The following STXBP5L variants were observed in gnomAD, a reference collection of about 807,000 sequenced individuals.
The protein encoded by STXBP5L is syntaxin-binding protein 5-like.
A neutral mutation model predicts 144.5 loss-of-function variants in STXBP5L; 65 were observed. The ratio of observed to expected loss-of-function variants is 0.45; its 90% CI spans 0.37 to 0.55. The LOEUF is 0.55. Among genes scored for constraint, STXBP5L ranks in the 20% least tolerant of loss-of-function variants. The probability of loss-of-function intolerance (pLI) is 0.00; values close to 1 mark genes in which losing one functional copy is unlikely to be tolerated. For synonymous variants in STXBP5L, 505 were observed against 469.6 expected (o/e 1.08, Z -0.97); for missense variants, 1,298 against 1,405.5 (o/e 0.92, Z 1.22).
intron 19 of STXBP5L, among the ~76,000 whole-genome samples, chr3:121,312,446 CTTTTTTTTTTTTTT>C (rs58989280): frequency 3.1e-4 from 4 of 12,754 alleles, no homozygotes; most frequent in Non-Finnish European, 4.7e-4. Flanking sequence ...GTATGTCAAT[CTTTTTTTTTTTTTT>C]TTTTTTTTTT....
intron 12 of STXBP5L, among the ~76,000 whole-genome samples, chr3:121,238,394 A>T (rs2049552494): frequency 6.6e-6 from 1 of 152,030 alleles, no homozygotes; most frequent in South Asian, 2.1e-4. Flanking sequence ...GGGAGAACTC[A>T]TTCACCTCCA....
chr3:121,075,782 G>T (rs1268204605), intron 5 of STXBP5L, among the ~76,000 whole-genome samples: 2 of 152,144 alleles, frequency 1.3e-5, no homozygotes, highest in Non-Finnish European at 2.9e-5. Flanking sequence ...TGTAGCCCTT[G>T]AGCCTGGTTA....
chr3:121,165,129 G>A (rs1473699830), intron 9 of STXBP5L, among the ~76,000 whole-genome samples: 1 of 152,130 alleles, frequency 6.6e-6, no homozygotes, highest in Non-Finnish European at 1.5e-5. Flanking sequence ...ATAACGTCAT[G>A]TTGTATACCT....
At chr3:121,153,286 C>T (rs1411657439) in intron 8 of STXBP5L, among the ~76,000 whole-genome samples, 1 of 151,826 alleles carries the variant, frequency 6.6e-6, no homozygotes, top group Non-Finnish European at 1.5e-5. Flanking sequence ...ATAAGAAGAC[C>T]GTAAAACTGG....
intron 7 of STXBP5L, among the ~76,000 whole-genome samples, chr3:121,148,985 C>T (rs565141920): frequency 3.2e-4 from 48 of 152,140 alleles, no homozygotes; most frequent in African/African-American, 1.1e-3. Context: ...TATAATTCTA[C>T]CTGTCTAATT....
intron 20 of STXBP5L, among the ~76,000 whole-genome samples, chr3:121,324,304 C>A (rs1273427226): frequency 6.6e-6 from 1 of 152,068 alleles, no homozygotes; most frequent in Admixed American, 6.5e-5. Context: ...TTTTAGTCTC[C>A]AAAAACCTTT....
intron 19 of STXBP5L, among the ~76,000 whole-genome samples, chr3:121,313,756 C>T (rs1469701857): frequency 2.5e-3 from 335 of 133,640 alleles, no homozygotes; most frequent in Non-Finnish European, 3.6e-3. Flanking sequence ...ACCTCCCTCC[C>T]GGACGGGGTG....
intron 3 of STXBP5L, among the ~76,000 whole-genome samples, chr3:121,002,072 C>T (rs1429539947): frequency 6.6e-6 from 1 of 152,072 alleles, no homozygotes; most frequent in Non-Finnish European, 1.5e-5. Flanking sequence ...TTCATATATA[C>T]CCAGAAGAGA....
rs183213256 is a variant in STXBP5L, at chr3:121,112,288, C to G, written c.471-2637C>G. On this transcript the variant is annotated intron_variant, in intron 5 of 26. Transcript: ENST00000471454. ...CCAAGGCCCTGGTCACATAGGCTCA[C>G]AAAGGGGATCTTCTGATTTGCAGGT... is the stretch of plus-strand genomic sequence containing the variant. Among the ~76,000 whole-genome samples the G allele has an allele frequency of 1.2e-4, 19 of 152,206 alleles. No individual in the cohort carries two copies. The East Asian group carries it at 2.9e-3, about 23-fold the overall frequency.
intron 2 of STXBP5L, among the ~76,000 whole-genome samples, chr3:120,918,798 G>T (rs1394527456): frequency 6.6e-6 from 1 of 152,080 alleles, no homozygotes; most frequent in Non-Finnish European, 1.5e-5. Context: ...AATTCAGTTT[G>T]TGTAAAGTCA....
Position 121,257,166 on chromosome 3 carries a change from A to G in STXBP5L, c.1665A>G (p.Leu555=). ...TTAAACTTGATTTTTTTAAGTCATT[A>G]GAGGTACGACTTCAGTATGATGTTG... ...RHEITTEIVS[L]EVRLQYDVED... is the part of the protein sequence containing the mutation. Residue 555 remains leucine, a synonymous_variant, in exon 17 of 27, where the codon TTA becomes TTG. Transcript: ENST00000471454. 6.2e-7 allele frequency: 1 copy of G among 1,600,608 alleles called. No homozygotes were observed. The highest frequency in any genetic ancestry group is 8.5e-7 in the Non-Finnish European group (1 of 1,171,578).
intron 18 of STXBP5L, among the ~76,000 whole-genome samples, chr3:121,278,991 T>G (rs1176884605): frequency 1.3e-5 from 2 of 151,616 alleles, no homozygotes; most frequent in Non-Finnish European, 3.0e-5. Context: ...TAAACAAGAT[T>G]CAATCTAAAT....
At chr3:121,324,359 AT>A (rs2044075775) in intron 20 of STXBP5L, 1 of 539,938 alleles carries the variant, frequency 1.9e-6, no homozygotes, top group African/African-American at 1.9e-5. Context: ...ATTTATCTTT[AT>A]TTTAGATAAG....
intron 5 of STXBP5L, among the ~76,000 whole-genome samples, chr3:121,046,815 C>T (rs1358011342): frequency 6.6e-6 from 1 of 151,974 alleles, no homozygotes; most frequent in African/African-American, 2.4e-5. Context: ...CTCTTGTACT[C>T]ATTGATCTTT....
At chr3:121,033,664 T>G (rs1488574448) in intron 3 of STXBP5L, among the ~76,000 whole-genome samples, 1 of 151,900 alleles carries the variant, frequency 6.6e-6, no homozygotes, top group Non-Finnish European at 1.5e-5. Context: ...ACCAATACAT[T>G]ACCAAGTAGT....
chr3:121,139,135 A>G (rs767781379), intron 7 of STXBP5L, among the ~76,000 whole-genome samples: 18 of 152,122 alleles, frequency 1.2e-4, no homozygotes, highest in Non-Finnish European at 1.5e-4. Context: ...ACAAAATTAC[A>G]TCTATATGGA....
At chr3:120,960,770 G>A (rs1406389744) in intron 3 of STXBP5L, among the ~76,000 whole-genome samples, 7 of 151,874 alleles carry the variant, frequency 4.6e-5, no homozygotes, top group Admixed American at 2.6e-4. Flanking sequence ...TGGGGTGGGG[G>A]CAGGGGGGAG....
At chr3:121,393,289 C>G (rs1250710063) in intron 22 of STXBP5L, among the ~76,000 whole-genome samples, 1 of 151,214 alleles carries the variant, frequency 6.6e-6, no homozygotes, top group South Asian at 2.1e-4. Context: ...TTGTGTTTTC[C>G]TTTTTGAATT....
At chr3:121,256,214 T>C (rs543966620) in intron 16 of STXBP5L, among the ~76,000 whole-genome samples, 141 of 152,094 alleles carry the variant, frequency 9.3e-4, no homozygotes, top group Non-Finnish European at 1.5e-3. Flanking sequence ...ATTATAATAG[T>C]GTCCTTACTG....
Sources: allele counts gnomAD v4.1 joint callset (sites outside exome capture counted in the v4.1 genomes callset), GRCh38; gene constraint gnomAD v4.1.1; transcripts MANE v1.5; gene names NCBI Gene and HGNC (gene_info 2026-07-23, HGNC 2026-07-21).